CNTRL: variants seen among roughly 807,000 people sequenced by gnomAD.
CNTRL encodes the protein centriolin, also known as 110 kDa centrosomal protein.
In CNTRL, 233 loss-of-function variants were observed where a neutral mutation model predicts 303.7. The observed-to-expected ratio is 0.77, with a 90% CI of 0.69 to 0.86. The LOEUF is 0.86. CNTRL is among the 40% of genes least tolerant of loss of function. The pLI is 0.00. For missense variants in CNTRL, 2,524 were observed against 2,650.6 expected (o/e 0.95, Z 1.05); for synonymous variants, 900 against 922.2 (o/e 0.98, Z 0.44).
At chr9:121,097,113 A>G (rs1320597646) in intron 6 of CNTRL, among the ~76,000 whole-genome samples, 1 of 152,094 alleles carries the variant, frequency 6.6e-6, no homozygotes, top group African/African-American at 2.4e-5. Flanking sequence ...ATGATGTTGT[A>G]TATTTTTCTC....
At chr9:121,130,995 A>G (rs887354849) in intron 14 of CNTRL, among the ~76,000 whole-genome samples, 1 of 152,138 alleles carries the variant, frequency 6.6e-6, no homozygotes, top group African/African-American at 2.4e-5. Context: ...GGTCTGAGAG[A>G]CAGTTTGTTG....
chr9:121,146,222 A>G lies in CNTRL; in HGVS notation c.3425A>G (p.Tyr1142Cys), dbSNP rs201662930. The change falls in exon 23 of 44, where the codon TAT (tyrosine) becomes TGT (cysteine). Residue 1142 changes from tyrosine to cysteine, a missense_variant. Coordinates refer to ENST00000373855, the MANE Select transcript of CNTRL (RefSeq NM_007018.6). The part of the protein sequence containing the change: ...SMADPFKRRG[Y>C]WYFMPPPPSS... The stretch of plus-strand genomic sequence containing the variant: ...GCAGATCCTTTCAAAAGACGAGGCT[A>G]TTGGTACTTTATGCCACCACCACCA... 291 of 1,613,184 alleles carry G rather than the reference A, an allele frequency of 1.8e-4. 1 individual carries two copies. The highest frequency in any genetic ancestry group is 6.6e-4 in the Middle Eastern group (4 of 6,078).
chr9:121,109,432 T>C (rs533131766), intron 8 of CNTRL, among the ~76,000 whole-genome samples: 2 of 152,156 alleles, frequency 1.3e-5, no homozygotes, highest in African/African-American at 2.4e-5. Context: ...TGTACATGCA[T>C]GTATAAAGCC....
At chr9:121,121,914 C>T (rs2050250181) in intron 12 of CNTRL, 2 of 985,262 alleles carry the variant, frequency 2.0e-6, no homozygotes, top group African/African-American at 1.7e-5. Context: ...TCTCTGTTCT[C>T]AACGGCTCAG....
intron 7 of CNTRL, among the ~76,000 whole-genome samples, chr9:121,106,318 G>A (rs1051987378): frequency 2.2e-5 from 3 of 135,552 alleles, no homozygotes; most frequent in South Asian, 2.4e-4. Flanking sequence ...CAGCCTGGGC[G>A]ACAGAGCGAG....
intron 37 of CNTRL, 49 bp from the exon 38 acceptor site, chr9:121,168,046 TG>T: frequency 6.7e-7 from 1 of 1,501,192 alleles, no homozygotes; most frequent in Non-Finnish European, 9.1e-7. Context: ...GCAGGTTCTC[TG>T]GGACACTATT....
chr9:121,150,816 C>T (rs1164518892), intron 25 of CNTRL, among the ~76,000 whole-genome samples: 1 of 152,146 alleles, frequency 6.6e-6, no homozygotes, highest in Admixed American at 6.5e-5. Flanking sequence ...GTCTACAAAC[C>T]TGGGTTAGCC....
At chr9:121,176,527 G>A (rs893414132) in intron 43 of CNTRL, among the ~76,000 whole-genome samples, 35 of 152,324 alleles carry the variant, frequency 2.3e-4, no homozygotes, top group African/African-American at 8.2e-4. Flanking sequence ...ATTGAATAGG[G>A]AAGCTTTGGG....
intron 11 of CNTRL, among the ~76,000 whole-genome samples, chr9:121,117,293 A>C (rs1204647291): frequency 6.6e-6 from 1 of 152,208 alleles, no homozygotes; most frequent in African/African-American, 2.4e-5. Context: ...AAGGTATTGC[A>C]GTTATGGGGA....
At chr9:121,155,003 T>A (rs2052490508) in intron 27 of CNTRL, 90 bp downstream of exon 27, 3 of 1,158,472 alleles carry the variant, frequency 2.6e-6, no homozygotes, top group Non-Finnish European at 3.9e-6. Context: ...ATGTGTGTGA[T>A]AAGAGGACAG....
At chr9:121,150,671 A>G in intron 25 of CNTRL, 188 bp downstream of exon 25, 1 of 612,552 alleles carries the variant, frequency 1.6e-6, no homozygotes, top group Non-Finnish European at 2.8e-6. Flanking sequence ...GCATGTGCCT[A>G]TAATCCGAGC....
At chr9:121,103,217 CA>C (rs1458783337) in intron 7 of CNTRL, among the ~76,000 whole-genome samples, 1 of 152,082 alleles carries the variant, frequency 6.6e-6, no homozygotes, top group Non-Finnish European at 1.5e-5. Flanking sequence ...ACCAATGGAA[CA>C]GAACAGAGCC....
chr9:121,098,041 A>G (rs1045929726), intron 6 of CNTRL, among the ~76,000 whole-genome samples: 5 of 152,220 alleles, frequency 3.3e-5, no homozygotes, highest in Non-Finnish European at 5.9e-5. Flanking sequence ...GAGTTACACA[A>G]ACTTGAATTC....
At chr9:121,164,493 A>G (rs2053004052) in intron 34 of CNTRL, among the ~76,000 whole-genome samples, 1 of 152,252 alleles carries the variant, frequency 6.6e-6, no homozygotes, top group Non-Finnish European at 1.5e-5. Flanking sequence ...GTATTGATAT[A>G]CACAACATGG....
intron 17 of CNTRL, 57 bp from the exon 18 acceptor site, chr9:121,141,324 C>T: frequency 7.5e-7 from 1 of 1,333,606 alleles, no homozygotes; most frequent in Non-Finnish European, 1.1e-6. Context: ...AGCATGTTTG[C>T]AGCCAGCATC....
At position 121,158,835 on chromosome 9, in the gene CNTRL, T is replaced by C; in HGVS notation, c.4765-20T>C. 1 of 1,612,252 alleles carries C rather than the reference T, an allele frequency of 6.2e-7. No individual in the cohort carries two copies. Among genetic ancestry groups the C allele is most frequent in the African/African-American group, 1.3e-5 (1 of 74,964 alleles). On this transcript the variant is annotated intron_variant, in intron 30 of 43. Transcript: ENST00000373855. ...TGTATGGCCTTTGTCAAACTTACTC[T>C]TCCCTTTTCTTTAATACAGGTGACA...
rs776534868 is a variant in CNTRL at position 121,148,702 on chromosome 9, G to C, written c.3490G>C (p.Asp1164His). Residue 1164 changes from aspartate (D) to histidine (H), a missense_variant, in exon 24 of 44, where the codon GAC becomes CAC. Asp to His is a moderately conservative substitution (Grantham distance 81). Transcript: ENST00000373855. ...VSSHSSQATKDSGVGLKYSAS... is the reference protein window; with the variant it reads ...VSSHSSQATKHSGVGLKYSAS... ...CAGCCATAGTTCCCAGGCCACCAAG[G>C]ACTCTGGTGTTGGCCTTAAGTACTC... The C allele has an allele frequency of 6.2e-7, 1 of 1,613,916 alleles. No homozygotes were observed. Among genetic ancestry groups the C allele is most frequent in the Non-Finnish European group, 8.5e-7 (1 of 1,179,872 alleles).
chr9:121,131,651 A>G (rs932861565), intron 14 of CNTRL, among the ~76,000 whole-genome samples: 2 of 152,158 alleles, frequency 1.3e-5, no homozygotes, highest in East Asian at 1.9e-4. Context: ...TAATATTGTT[A>G]TGTGTGGATT....
intron 2 of CNTRL, among the ~76,000 whole-genome samples, chr9:121,081,557 C>CAATT (rs2048142134): frequency 6.6e-6 from 1 of 152,236 alleles, no homozygotes; most frequent in South Asian, 2.1e-4. Context: ...CCACTGCCCC[C>CAATT]TCCTTGGGTT....
Sources: allele counts gnomAD v4.1 joint callset (sites outside exome capture counted in the v4.1 genomes callset), GRCh38; gene constraint gnomAD v4.1.1; transcripts MANE v1.5; gene names NCBI Gene and HGNC (gene_info 2026-07-23, HGNC 2026-07-21).